Variants in ITPKB observed in about 807,000 individuals in gnomAD.
ITPKB encodes inositol-trisphosphate 3-kinase B.
A neutral mutation model predicts 69.4 loss-of-function variants in ITPKB; 13 were observed. The observed-to-expected ratio is 0.19, with a 90% CI of 0.12 to 0.30. The LOEUF (loss-of-function observed/expected upper bound fraction) is 0.30. Ranked by LOEUF, ITPKB falls within the 10% of genes least tolerant of loss-of-function variation. The pLI is 1.00. For missense variants in ITPKB, 1,240 were observed against 1,250.5 expected (o/e 0.99, Z 0.13); for synonymous variants, 584 against 513.7 (o/e 1.14, Z -1.85).
At chr1:226,724,016 C>T (rs1470433059) in intron 2 of ITPKB, among the ~76,000 whole-genome samples, 3 of 152,186 alleles carry the variant, frequency 2.0e-5, no homozygotes, top group Admixed American at 6.5e-5. Context: ...CACTTAAAAA[C>T]GCTCTTCACA....
chr1:226,707,484 A>G (rs1453343089), intron 2 of ITPKB: 10 of 972,476 alleles, frequency 1.0e-5, no homozygotes, highest in Non-Finnish European at 1.2e-5. Context: ...GATGTGAGCC[A>G]CTGCGCCTGG....
chr1:226,671,311 A>G (rs1669613544), intron 2 of ITPKB, among the ~76,000 whole-genome samples: 1 of 152,248 alleles, frequency 6.6e-6, no homozygotes, highest in Admixed American at 6.5e-5. Flanking sequence ...AAACCCTTCC[A>G]CAAAGAACAG....
intron 2 of ITPKB, among the ~76,000 whole-genome samples, chr1:226,685,994 A>G (rs1387191557): frequency 2.0e-5 from 3 of 152,200 alleles, no homozygotes; most frequent in Non-Finnish European, 4.4e-5. Context: ...GAGGGGGATG[A>G]TGAAGATTCC....
intron 2 of ITPKB, among the ~76,000 whole-genome samples, chr1:226,650,584 G>A (rs1349585652): frequency 6.6e-6 from 1 of 152,238 alleles, no homozygotes; most frequent in South Asian, 2.1e-4. Flanking sequence ...GCAGTGGCTC[G>A]TGGGGACGCC....
At position 226,641,933 on chromosome 1, in the gene ITPKB, G is replaced by A. The variant is rs758611248; in HGVS notation, c.2439C>T (p.Ile813=). 23 of 1,613,414 alleles carry A rather than the reference G, an allele frequency of 1.4e-5. No individual in the cohort carries two copies. Among genetic ancestry groups the A allele is most frequent in the South Asian group, 8.8e-5 (8 of 91,074 alleles). Reference sequence around the variant, plus strand: ...TCGCCGGCCTCACCTTGATTCCCTCGATCCTGAACCCCAGGGTGGCCGTGG... The same window carrying A: ...TCGCCGGCCTCACCTTGATTCCCTCAATCCTGAACCCCAGGGTGGCCGTGG... ...ISSTATLGFR[I]EGIKKEDGTV... Residue 813 remains isoleucine (I), a synonymous_variant, in exon 5 of 8, where the codon ATC becomes ATT. Coordinates refer to ENST00000429204, the MANE Select transcript of ITPKB (RefSeq NM_002221.4). This position sits in a 1 kb window ranked among gnomAD's most constrained non-coding sequence, Gnocchi z 4.6.
chr1:226,638,810 G>C (rs1317219792), intron 6 of ITPKB, among the ~76,000 whole-genome samples: 1 of 151,854 alleles, frequency 6.6e-6, no homozygotes, highest in Non-Finnish European at 1.5e-5. Context: ...GTGAAGATTT[G>C]CTGCACGCTT....
rs564208416 is a variant in ITPKB, at chr1:226,634,205, C to A, written c.*466G>T. On this transcript the variant is annotated 3_prime_UTR_variant, in exon 8 of 8. Transcript: ENST00000429204. The surrounding 1 kb of genome is among the most constrained non-coding windows in gnomAD (Gnocchi z 6.3). ...AGAAAGCCCTGCTCCCAGCCAGGGA[C>A]CAGGAACCCGGCCGGCCCCCTGGGC... The A allele has an allele frequency of 1.7e-4, 27 of 159,700 alleles. No homozygotes were observed. The South Asian group carries it at 4.4e-3, about 26-fold the overall frequency. 9.9% of individuals were successfully genotyped at this position (159,700 alleles called of 1,614,324 possible). A position where few individuals can be genotyped will look rare whatever the true frequency, so the allele number is the denominator to read the frequency against.
chr1:226,725,851 C>T (rs941294464), intron 2 of ITPKB, among the ~76,000 whole-genome samples: 12 of 152,228 alleles, frequency 7.9e-5, no homozygotes, highest in African/African-American at 2.9e-4. Flanking sequence ...AATATCTCCT[C>T]ATCCCAACCC....
intron 2 of ITPKB, among the ~76,000 whole-genome samples, chr1:226,655,070 G>A (rs560316005): frequency 6.6e-6 from 1 of 151,588 alleles, no homozygotes; most frequent in Admixed American, 6.6e-5. Flanking sequence ...AAGAGGAGGT[G>A]GGGAGGAGGG....
intron 2 of ITPKB, among the ~76,000 whole-genome samples, chr1:226,699,491 A>T (rs1656581878): frequency 1.3e-5 from 2 of 152,192 alleles, no homozygotes; most frequent in Non-Finnish European, 2.9e-5. Flanking sequence ...GTCATTTAAC[A>T]CCTCTGGAGT....
intron 2 of ITPKB, among the ~76,000 whole-genome samples, chr1:226,703,126 TG>T: frequency 6.6e-6 from 1 of 151,528 alleles, no homozygotes; most frequent in East Asian, 1.9e-4. Context: ...CGAAAGAAAG[TG>T]ATTATGAGGA....
At position 226,633,578 on chromosome 1, in the gene ITPKB, A is replaced by T. The variant is rs888179604; in HGVS notation, c.*1093T>A. On this transcript the variant is annotated 3_prime_UTR_variant, in exon 8 of 8. Coordinates refer to ENST00000429204, the MANE Select transcript of ITPKB (RefSeq NM_002221.4). ...CTACAAGATACCCACACTACATTGG[A>T]GAAGCAGGAATCTAAGCCCTCCAGG... 3 of 152,196 alleles carry T rather than the reference A, an allele frequency of 2.0e-5. No homozygotes were observed. In the South Asian group the frequency reaches 6.3e-4, roughly 32 times the overall value. 9.4% of individuals were successfully genotyped at this position (152,196 alleles called of 1,614,324 possible).
chr1:226,675,225 G>A (rs1669707278), intron 2 of ITPKB, among the ~76,000 whole-genome samples: 1 of 152,056 alleles, frequency 6.6e-6, no homozygotes, highest in South Asian at 2.1e-4. Context: ...GGGTGCTGAG[G>A]AGGAAGTGGT....
chr1:226,705,308 T>G (rs1656772616), intron 2 of ITPKB, among the ~76,000 whole-genome samples: 1 of 151,688 alleles, frequency 6.6e-6, no homozygotes, highest in Non-Finnish European at 1.5e-5. Context: ...GGCGGGCAGG[T>G]CACCTGAGGT....
intron 2 of ITPKB, among the ~76,000 whole-genome samples, chr1:226,670,175 CAAAAAAAAAAAA>C (rs35767912): frequency 1.2e-4 from 4 of 32,002 alleles, no homozygotes; most frequent in Non-Finnish European, 2.6e-4. Flanking sequence ...AGCTCCGCCG[CAAAAAAAAAAAA>C]AAAAAAAAAA....
At position 226,736,762 on chromosome 1, in the gene ITPKB, C is replaced by T. The variant is rs1438266261; in HGVS notation, c.697G>A (p.Gly233Arg). Residue 233 changes from glycine (G) to arginine (R), a missense_variant, in exon 2 of 8, where the codon GGA becomes AGA. Physicochemically the swap from Gly to Arg is moderately radical, Grantham distance 125. Transcript: ENST00000429204. ...GCCCGGCCGGGAAGAGGTGGCATTCCTTTCTTCACCTGCGAGGAGCATAGG... is the reference window on the plus strand; with the variant it reads ...GCCCGGCCGGGAAGAGGTGGCATTCTTTTCTTCACCTGCGAGGAGCATAGG... The part of the protein sequence containing the change: ...PSLCSSQVKK[G>R]MPPLPGRAAP... The T allele has an allele frequency of 1.2e-6, 2 of 1,613,028 alleles. No individual in the cohort carries two copies. The highest frequency in any genetic ancestry group is 1.3e-5 in the African/African-American group (1 of 75,064).
chr1:226,693,837 A>G (rs1656415120), intron 2 of ITPKB, among the ~76,000 whole-genome samples: 1 of 152,244 alleles, frequency 6.6e-6, no homozygotes, highest in Admixed American at 6.5e-5. Flanking sequence ...AAAAAGCTCC[A>G]CATCAACACT....
intron 2 of ITPKB, among the ~76,000 whole-genome samples, chr1:226,685,238 T>C (rs1222251159): frequency 1.3e-5 from 2 of 152,170 alleles, no homozygotes; most frequent in Admixed American, 6.5e-5. Context: ...CCACAGGATG[T>C]TTTAATTTCC....
At chr1:226,683,601 A>C (rs536772037) in intron 2 of ITPKB, among the ~76,000 whole-genome samples, 87 of 152,242 alleles carry the variant, frequency 5.7e-4, no homozygotes, top group African/African-American at 1.9e-3. Flanking sequence ...GACATCTGTG[A>C]AGTGGAGACG....
Sources: gnomAD v4.1 joint callset for allele counts (sites outside exome capture counted in the v4.1 genomes callset) on GRCh38, gnomAD v4.1.1 for gene constraint, Gnocchi (gnomAD v3.1) non-coding constraint, MANE v1.5 for transcripts, NCBI Gene and HGNC (gene_info 2026-07-23, HGNC 2026-07-21) for gene names.